Variants in LOC128462377 observed in about 807,000 individuals in gnomAD.
chr16:89,402,592 G>A, the LOC128462377 span, among the ~76,000 whole-genome samples: 30 of 151,174 alleles, frequency 2.0e-4, no homozygotes, highest in Non-Finnish European at 3.7e-4. Flanking sequence ...TGAGGTGGGA[G>A]GATTGGTTGA....
At chr16:89,344,142 C>T in the LOC128462377 span, among the ~76,000 whole-genome samples, 9 of 152,324 alleles carry the variant, frequency 5.9e-5, no homozygotes, top group Admixed American at 1.3e-4. Flanking sequence ...GGAGTCTGTG[C>T]TCTGGGAGGA....
the LOC128462377 span, among the ~76,000 whole-genome samples, chr16:89,352,368 A>C: frequency 6.6e-6 from 1 of 151,496 alleles, no homozygotes; most frequent in Non-Finnish European, 1.5e-5. Flanking sequence ...GCAATGTCTC[A>C]AGGCAGCCCC....
At chr16:89,394,691 A>C in the LOC128462377 span, among the ~76,000 whole-genome samples, 1 of 152,014 alleles carries the variant, frequency 6.6e-6, no homozygotes, top group Non-Finnish European at 1.5e-5. Flanking sequence ...TCCTCGTCTC[A>C]ATAAAACCTG....
chr16:89,345,364 C>G, the LOC128462377 span, among the ~76,000 whole-genome samples: 2 of 151,946 alleles, frequency 1.3e-5, no homozygotes, highest in Non-Finnish European at 2.9e-5. Flanking sequence ...GGTGCCCCAT[C>G]TGGGGAGGCT....
the LOC128462377 span, among the ~76,000 whole-genome samples, chr16:89,408,904 G>C: frequency 1.3e-5 from 2 of 152,232 alleles, no homozygotes; most frequent in Admixed American, 1.3e-4. Flanking sequence ...GCCTCTCACA[G>C]ACCTTAGGAG....
the LOC128462377 span, among the ~76,000 whole-genome samples, chr16:89,325,807 C>G: frequency 5.3e-5 from 8 of 152,210 alleles, no homozygotes; most frequent in African/African-American, 1.7e-4. Flanking sequence ...AGAGGTGTCA[C>G]TGACCTTTTG....
At chr16:89,376,542 A>G in the LOC128462377 span, among the ~76,000 whole-genome samples, 5,025 of 152,170 alleles carry the variant, frequency 0.033, 289 homozygotes, top group African/African-American at 0.11. Flanking sequence ...GGTTCAAGCT[A>G]TTCTCCTGCC....
chr16:89,397,909 G>A, the LOC128462377 span, among the ~76,000 whole-genome samples: 2 of 152,208 alleles, frequency 1.3e-5, no homozygotes, highest in South Asian at 2.1e-4. Context: ...GTCAAAGCAG[G>A]TGCCTCGGGT....
chr16:89,329,718 A>C, the LOC128462377 span, among the ~76,000 whole-genome samples: 2 of 152,242 alleles, frequency 1.3e-5, no homozygotes, highest in Non-Finnish European at 2.9e-5. Flanking sequence ...TACATCATTT[A>C]AAACATTAAA....
the LOC128462377 span, among the ~76,000 whole-genome samples, chr16:89,394,570 G>C: frequency 6.6e-6 from 1 of 151,782 alleles, no homozygotes; most frequent in Non-Finnish European, 1.5e-5. Context: ...GGAGGTTGCA[G>C]TGAGCCAGTA....
the LOC128462377 span, among the ~76,000 whole-genome samples, chr16:89,388,540 C>T: frequency 3.9e-5 from 6 of 152,068 alleles, no homozygotes; most frequent in East Asian, 1.9e-4. Context: ...AAAAAGCCCA[C>T]GAGATGACAA....
chr16:89,331,077 C>G, the LOC128462377 span, among the ~76,000 whole-genome samples: 1 of 152,192 alleles, frequency 6.6e-6, no homozygotes, highest in Non-Finnish European at 1.5e-5. Flanking sequence ...CCTCAGCCTC[C>G]TGAGTAGCTG....
At chr16:89,386,906 C>T in the LOC128462377 span, among the ~76,000 whole-genome samples, 1 of 151,834 alleles carries the variant, frequency 6.6e-6, no homozygotes, top group Non-Finnish European at 1.5e-5. Context: ...AGACCCTGCC[C>T]CAGCTCCCCA....
chr16:89,404,431 G>C, the LOC128462377 span, among the ~76,000 whole-genome samples: 1 of 152,186 alleles, frequency 6.6e-6, no homozygotes. Context: ...CTCCTGCTAG[G>C]AAAAATTTTC....
the LOC128462377 span, chr16:89,317,158 C>T: frequency 1.0e-6 from 1 of 962,790 alleles, no homozygotes; most frequent in Non-Finnish European, 1.6e-6. Flanking sequence ...ACTCAACAGA[C>T]TCAGTAACTA....
chr16:89,332,181 G>T, the LOC128462377 span, among the ~76,000 whole-genome samples: 1 of 152,118 alleles, frequency 6.6e-6, no homozygotes, highest in Non-Finnish European at 1.5e-5. Context: ...TGCAGAATGT[G>T]TCACAGAAAT....
chr16:89,354,108 G>A, the LOC128462377 span, among the ~76,000 whole-genome samples: 35 of 152,132 alleles, frequency 2.3e-4, no homozygotes, highest in African/African-American at 6.8e-4. Flanking sequence ...CTCAGGTGCC[G>A]CCTGCAAGGT....
the LOC128462377 span, among the ~76,000 whole-genome samples, chr16:89,347,003 T>C: frequency 2.6e-5 from 4 of 152,180 alleles, no homozygotes; most frequent in Admixed American, 2.0e-4. Context: ...GCGAAGCAAA[T>C]GGCCCAATCC....
the LOC128462377 span, among the ~76,000 whole-genome samples, chr16:89,339,290 T>C: frequency 3.3e-5 from 5 of 152,346 alleles, no homozygotes; most frequent in African/African-American, 1.2e-4. Context: ...TAGAGATGTC[T>C]GAATTCCCCC....
Sources: allele counts gnomAD v4.1 joint callset (sites outside exome capture counted in the v4.1 genomes callset), GRCh38; gene constraint gnomAD v4.1.1; transcripts MANE v1.5.